PCSK6: variants seen among roughly 807,000 people sequenced by gnomAD.
The protein encoded by PCSK6 is proprotein convertase subtilisin/kexin type 6, also known as paired basic amino acid cleaving enzyme 4.
In PCSK6, 85 loss-of-function variants were observed where a neutral mutation model predicts 123.3. That is an observed-to-expected ratio of 0.69 (90% CI 0.58 to 0.83). The LOEUF (loss-of-function observed/expected upper bound fraction) is 0.83. Among genes scored for constraint, PCSK6 ranks in the 40% least tolerant of loss-of-function variants. The probability of loss-of-function intolerance (pLI) is 0.00; values close to 1 mark genes in which losing one functional copy is unlikely to be tolerated. For synonymous variants in PCSK6, 508 were observed against 516.0 expected, an observed-to-expected ratio of 0.98 and a Z score of 0.21; for missense variants, 1,191 against 1,282.3, an observed-to-expected ratio of 0.93 and a Z score of 1.09.
chr15:101,415,589 C>T (rs913653094), intron 6 of PCSK6, among the ~76,000 whole-genome samples: 1 of 152,156 alleles, frequency 6.6e-6, no homozygotes, highest in East Asian at 1.9e-4. Flanking sequence ...ATTTTTTTTA[C>T]TCAATGAGCA....
At position 101,487,489 on chromosome 15, in the gene PCSK6, T is replaced by C. The variant is rs183869846; in HGVS notation, c.297+1885A>G. ...CAGAGGTTGTCTCAAAGGGGCGGCA[T>C]GGCCAAGGGTTAGGCATTTTTATTC... is the stretch of plus-strand genomic sequence containing the variant. On this transcript the variant is annotated intron_variant, in intron 1 of 21. Transcript: ENST00000611716. Among the ~76,000 whole-genome samples, 615 of 152,274 alleles carry C rather than the reference T, an allele frequency of 4.0e-3. 1 individual carries two copies. The highest frequency in any genetic ancestry group is 0.014 in the African/African-American group (592 of 41,516).
At chr15:101,406,597 T>C (rs2042788468) in intron 6 of PCSK6, among the ~76,000 whole-genome samples, 1 of 152,198 alleles carries the variant, frequency 6.6e-6, no homozygotes, top group South Asian at 2.1e-4. Context: ...TTAGAAATGC[T>C]ACAATCCTAA....
intron 19 of PCSK6, 100 bp from the exon 20 acceptor site, chr15:101,313,605 GGAGCCCCC>G (rs1189276531): frequency 7.4e-6 from 11 of 1,489,366 alleles, no homozygotes; most frequent in Non-Finnish European, 9.8e-6. Context: ...GTACCATTCA[GGAGCCCCC>G]AGGCCACCAC....
chr15:101,431,279 A>C, intron 4 of PCSK6, 41 bp downstream of exon 4: 1 of 1,607,972 alleles, frequency 6.2e-7, no homozygotes, highest in Non-Finnish European at 8.5e-7. Flanking sequence ...TGACCAGCAC[A>C]GTTGAATATA....
intron 10 of PCSK6, among the ~76,000 whole-genome samples, chr15:101,383,387 G>A (rs2041960768): frequency 7.5e-6 from 1 of 133,066 alleles, no homozygotes; most frequent in Non-Finnish European, 1.5e-5. Context: ...TCCAGCTTGG[G>A]CAACAAGACG....
In PCSK6 at chr15:101,324,941, C is replaced by A. The variant is rs148875071; in HGVS notation, c.2286G>T (p.Thr762=). 3 of 1,613,430 alleles carry A rather than the reference C, an allele frequency of 1.9e-6. No homozygotes were observed. In the South Asian group the frequency reaches 3.3e-5, roughly 18 times the overall value. ...GCETCSSRAA[T]QCLSCRRGFY... ...ACCCGCGGCGGCAAGACAGGCACTG[C>A]GTCGCAGCTCTGCTGGAGCAGGTCT... Residue 762 remains threonine, a synonymous_variant, in exon 17 of 22, where the codon ACG becomes ACT. Transcript: ENST00000611716.
chr15:101,414,282 G>A (rs542678153), intron 6 of PCSK6, among the ~76,000 whole-genome samples: 4 of 151,902 alleles, frequency 2.6e-5, no homozygotes, highest in Non-Finnish European at 5.9e-5. Context: ...CCTATAGCAA[G>A]CACTCAAAAT....
intron 2 of PCSK6, among the ~76,000 whole-genome samples, chr15:101,432,823 T>C (rs999111761): frequency 1.3e-5 from 2 of 152,170 alleles, no homozygotes; most frequent in African/African-American, 4.8e-5. Flanking sequence ...GTATTGGAAT[T>C]TGCTTTACAG....
intron 1 of PCSK6, among the ~76,000 whole-genome samples, chr15:101,475,013 C>G (rs1472428062): frequency 6.6e-6 from 1 of 152,220 alleles, no homozygotes; most frequent in African/African-American, 2.4e-5. Flanking sequence ...ACTTCCCATT[C>G]CTCTGTGAAC....
chr15:101,481,955 G>C (rs1466268195), intron 1 of PCSK6, among the ~76,000 whole-genome samples: 1 of 152,232 alleles, frequency 6.6e-6, no homozygotes, highest in Non-Finnish European at 1.5e-5. Context: ...CCCCGAGACA[G>C]AGCCATGCTG....
At chr15:101,464,522 G>A (rs2057411511) in intron 1 of PCSK6, among the ~76,000 whole-genome samples, 1 of 152,160 alleles carries the variant, frequency 6.6e-6, no homozygotes, top group African/African-American at 2.4e-5. Flanking sequence ...CAGAGCTGTG[G>A]TTCTCCAGCC....
At chr15:101,480,729 C>T (rs988422622) in intron 1 of PCSK6, among the ~76,000 whole-genome samples, 1 of 152,188 alleles carries the variant, frequency 6.6e-6, no homozygotes, top group Non-Finnish European at 1.5e-5. Flanking sequence ...CTAGTGGGGC[C>T]TTCAGGGGAC....
chr15:101,417,631 G>A (rs545654119), intron 6 of PCSK6, among the ~76,000 whole-genome samples: 33 of 152,222 alleles, frequency 2.2e-4, no homozygotes, highest in Admixed American at 7.8e-4. Flanking sequence ...AAGAGGTGAT[G>A]AAAGGAGAAT....
chr15:101,459,600 C>T (rs886227017), intron 1 of PCSK6, among the ~76,000 whole-genome samples: 1 of 146,948 alleles, frequency 6.8e-6, no homozygotes, highest in African/African-American at 2.5e-5. Context: ...TCCCCCTCCT[C>T]CATCACCATT....
intron 2 of PCSK6, among the ~76,000 whole-genome samples, chr15:101,436,551 G>A (rs2056607236): frequency 6.6e-6 from 1 of 152,206 alleles, no homozygotes. Flanking sequence ...TCAAGGGAGG[G>A]AGTCGGAGGC....
intron 6 of PCSK6, among the ~76,000 whole-genome samples, chr15:101,418,255 C>T (rs908368855): frequency 6.6e-6 from 1 of 152,162 alleles, no homozygotes; most frequent in Non-Finnish European, 1.5e-5. Flanking sequence ...CTTCAGAAAT[C>T]AGGCACTATC....
chr15:101,445,097 C>T (rs981539718), intron 1 of PCSK6, among the ~76,000 whole-genome samples: 2 of 152,182 alleles, frequency 1.3e-5, no homozygotes, highest in South Asian at 2.1e-4. Flanking sequence ...ACATCAAATA[C>T]GAAGACAGTC....
At chr15:101,402,336 T>C (rs371743634) in intron 6 of PCSK6, among the ~76,000 whole-genome samples, 1 of 148,950 alleles carries the variant, frequency 6.7e-6, no homozygotes, top group Non-Finnish European at 1.5e-5. Flanking sequence ...AACCTAGGCA[T>C]TACCATTCAG....
intron 2 of PCSK6, among the ~76,000 whole-genome samples, chr15:101,441,708 TC>T (rs2056757943): frequency 1.3e-5 from 2 of 152,204 alleles, no homozygotes. Context: ...AAATCCACGG[TC>T]CCCGTCTCTT....
Sources: allele counts gnomAD v4.1 joint callset (sites outside exome capture counted in the v4.1 genomes callset), GRCh38; gene constraint gnomAD v4.1.1; transcripts MANE v1.5; gene names NCBI Gene and HGNC (gene_info 2026-07-23, HGNC 2026-07-21).